Variants in PSD3 observed in about 807,000 individuals in gnomAD.
PSD3 encodes PH and SEC7 domain-containing protein 3.
In PSD3, 49 loss-of-function variants were observed where a neutral mutation model predicts 105.5. The observed-to-expected ratio is 0.46, with a 90% confidence interval of 0.37 to 0.59. The LOEUF (loss-of-function observed/expected upper bound fraction) is 0.59. Ranked by LOEUF, PSD3 falls within the 20% of genes least tolerant of loss-of-function variation. The pLI is 0.00. For synonymous variants in PSD3, 557 were observed against 457.8 expected, an observed-to-expected ratio of 1.22 and a Z score of -2.77; for missense variants, 1,561 against 1,263.8, an observed-to-expected ratio of 1.24 and a Z score of -3.57.
chr8:18,603,688 G>A (rs994087263), intron 11 of PSD3, among the ~76,000 whole-genome samples: 2 of 152,142 alleles, frequency 1.3e-5, no homozygotes, highest in Non-Finnish European at 2.9e-5. Flanking sequence ...GGAGGTGATT[G>A]GGTCATGTGG....
At chr8:18,647,130 C>T (rs1264493062) in intron 10 of PSD3, among the ~76,000 whole-genome samples, 3 of 152,164 alleles carry the variant, frequency 2.0e-5, no homozygotes, top group Non-Finnish European at 4.4e-5. Flanking sequence ...TCTCTACTTC[C>T]TAATTTCAGC....
At chr8:18,798,728 T>C (rs11996790) in intron 8 of PSD3, among the ~76,000 whole-genome samples, 50,654 of 151,972 alleles carry the variant, frequency 0.33, 8,819 homozygotes, top group African/African-American at 0.4. Context: ...TATGAAGAGT[T>C]CGAGTAAATG....
chr8:18,795,015 A>T (rs1014690484), intron 8 of PSD3, among the ~76,000 whole-genome samples: 8 of 152,224 alleles, frequency 5.3e-5, no homozygotes, highest in African/African-American at 1.9e-4. Flanking sequence ...GCTCCTAGAA[A>T]GCCAATGCAA....
chr8:18,970,696 T>C (rs181231355), intron 1 of PSD3, among the ~76,000 whole-genome samples: 1 of 152,252 alleles, frequency 6.6e-6, no homozygotes, highest in African/African-American at 2.4e-5. Flanking sequence ...GGTTCGTGCC[T>C]ATAATCCCAG....
intron 11 of PSD3, among the ~76,000 whole-genome samples, chr8:18,607,911 A>C (rs1353908908): frequency 6.6e-6 from 1 of 152,098 alleles, no homozygotes. Flanking sequence ...TGCCGAGCAA[A>C]AAGGGGAAAA....
chr8:19,078,203 CA>C (rs1403862326), intron 1 of PSD3, among the ~76,000 whole-genome samples: 1 of 151,918 alleles, frequency 6.6e-6, no homozygotes, highest in Non-Finnish European at 1.5e-5. Flanking sequence ...GCCAGGAAAA[CA>C]AAAGTCTTTC....
intron 1 of PSD3, among the ~76,000 whole-genome samples, chr8:18,997,697 T>C (rs1826152910): frequency 6.6e-6 from 1 of 152,038 alleles, no homozygotes; most frequent in African/African-American, 2.4e-5. Flanking sequence ...GTCACACTGG[T>C]GTCCCTGTTC....
intron 1 of PSD3, among the ~76,000 whole-genome samples, chr8:19,052,999 A>G (rs1828584741): frequency 1.3e-5 from 2 of 152,092 alleles, no homozygotes; most frequent in East Asian, 3.9e-4. Flanking sequence ...CAGGCAGGAG[A>G]TGAGCAGCCT....
chr8:18,660,116 T>C (rs1809236184), intron 9 of PSD3, among the ~76,000 whole-genome samples: 1 of 152,220 alleles, frequency 6.6e-6, no homozygotes, highest in African/African-American at 2.4e-5. Context: ...AAGATGTGAT[T>C]AAGTTAAAGA....
At chr8:18,704,820 A>T (rs909587614) in intron 9 of PSD3, among the ~76,000 whole-genome samples, 2 of 152,214 alleles carry the variant, frequency 1.3e-5, no homozygotes, top group African/African-American at 4.8e-5. Context: ...CAAACCAGCA[A>T]AAATATAAGC....
intron 1 of PSD3, among the ~76,000 whole-genome samples, chr8:18,964,173 A>C (rs1824103486): frequency 6.6e-6 from 1 of 152,174 alleles, no homozygotes; most frequent in African/African-American, 2.4e-5. Flanking sequence ...AACCAAGTCT[A>C]GAGCACAATG....
chr8:18,562,958 A>G (rs971882320), intron 14 of PSD3, among the ~76,000 whole-genome samples: 2 of 151,652 alleles, frequency 1.3e-5, no homozygotes, highest in African/African-American at 2.4e-5. Flanking sequence ...ACAAAACCAA[A>G]CCTATGTTAC....
At chr8:18,739,617 A>T (rs1176848533) in intron 9 of PSD3, among the ~76,000 whole-genome samples, 1 of 152,232 alleles carries the variant, frequency 6.6e-6, no homozygotes, top group Non-Finnish European at 1.5e-5. Flanking sequence ...TAGCATGGTC[A>T]CAGGGCTCTA....
At chr8:18,941,956 G>A (rs540211094) in intron 1 of PSD3, among the ~76,000 whole-genome samples, 3 of 152,234 alleles carry the variant, frequency 2.0e-5, no homozygotes, top group South Asian at 4.1e-4. Context: ...TACAACAGGT[G>A]TGAGCTGCCA....
At position 18,872,577 on chromosome 8, in the gene PSD3, G is replaced by A. The variant is rs1167238932; in HGVS notation, c.287C>T (p.Pro96Leu). ...CHPQEQQGVQ[P>L]LTGCHSGLDS... ...GAGCCCAGAGTGGCAGCCAGTAAGA[G>A]GCTGGACACCCTGCTGCTCTTGTGG... The change falls in exon 3 of 16, where the codon CCT becomes CTT. Residue 96 changes from proline (P) to leucine (L), a missense_variant. Physicochemically the swap from Pro to Leu is moderately conservative, Grantham distance 98. Transcript: ENST00000327040. The A allele has an allele frequency of 3.1e-6, 5 of 1,613,994 alleles. No individual in the cohort carries two copies. Among genetic ancestry groups the A allele is most frequent in the African/African-American group, 1.3e-5 (1 of 74,914 alleles).
chr8:18,920,784 A>G, intron 2 of PSD3, among the ~76,000 whole-genome samples: 1 of 152,026 alleles, frequency 6.6e-6, no homozygotes, highest in East Asian at 1.9e-4. Flanking sequence ...CCTCATCACC[A>G]CCTATTAAAG....
intron 12 of PSD3, among the ~76,000 whole-genome samples, chr8:18,594,923 G>C (rs1170243323): frequency 5.9e-5 from 9 of 151,846 alleles, no homozygotes; most frequent in African/African-American, 2.4e-5. Flanking sequence ...TCTCAGGTTG[G>C]TTGAATTCAA....
At chr8:18,731,836 G>A (rs1803773306) in intron 9 of PSD3, among the ~76,000 whole-genome samples, 1 of 152,168 alleles carries the variant, frequency 6.6e-6, no homozygotes, top group African/African-American at 2.4e-5. Flanking sequence ...TCTCCTTGGA[G>A]TGTCTGGGTC....
intron 9 of PSD3, among the ~76,000 whole-genome samples, chr8:18,704,036 A>G (rs1440111812): frequency 5.9e-5 from 9 of 152,224 alleles, no homozygotes; most frequent in Non-Finnish European, 1.0e-4. Flanking sequence ...AAAGATGCCA[A>G]AAAGATGAAA....
Sources: gnomAD v4.1 joint callset for allele counts (sites outside exome capture counted in the v4.1 genomes callset) on GRCh38, gnomAD v4.1.1 for gene constraint, MANE v1.5 for transcripts, NCBI Gene and HGNC (gene_info 2026-07-23, HGNC 2026-07-21) for gene names.